The following GRAMD4 variants were observed in gnomAD, a reference collection of about 807,000 sequenced individuals.
GRAMD4 encodes GRAM domain-containing protein 4.
GRAMD4 carries 25 observed loss-of-function variants against 83.9 expected under a neutral mutation model. That is an observed-to-expected ratio of 0.30 (90% CI 0.22 to 0.42). The LOEUF (loss-of-function observed/expected upper bound fraction) is 0.42. GRAMD4 is among the 10% of genes least tolerant of loss of function. The pLI, the probability that GRAMD4 is intolerant of heterozygous loss-of-function variation, is 1.00. For synonymous variants in GRAMD4, 336 were observed against 320.9 expected (o/e 1.05, Z -0.50); for missense variants, 593 against 788.7 (o/e 0.75, Z 2.97).
intron 18 of GRAMD4, 128 bp from the exon 19 acceptor site, chr22:46,677,017 CCT>C: frequency 1.9e-6 from 2 of 1,041,436 alleles, no homozygotes. Context: ...TGGGGAGACA[CCT>C]GTCTTTTGCA....
intron 1 of GRAMD4, among the ~76,000 whole-genome samples, chr22:46,596,937 T>C (rs5769010): frequency 0.67 from 101,448 of 152,112 alleles, 34,422 homozygotes; most frequent in African/African-American, 0.74. Flanking sequence ...TTTGCAGAGC[T>C]TGGATGGCTG....
At chr22:46,681,933 G>C (rs1435584528), downstream of GRAMD4, among the ~76,000 whole-genome samples, 1 of 152,146 alleles carries the variant, frequency 6.6e-6, no homozygotes, top group Non-Finnish European at 1.5e-5. Context: ...AGTGTTTGGA[G>C]GACAGGGTTG....
intron 1 of GRAMD4, among the ~76,000 whole-genome samples, chr22:46,603,201 G>GTTTTTTTTT (rs569545888): frequency 1.1e-5 from 1 of 89,414 alleles, no homozygotes; most frequent in African/African-American, 4.7e-5. Flanking sequence ...ATCTTCTCTT[G>GTTTTTTTTT]TTTTTTTTTT....
At chr22:46,598,810 GGCCTTGTCTGGAGAGCAC>G (rs2081285917) in intron 1 of GRAMD4, among the ~76,000 whole-genome samples, 1 of 152,156 alleles carries the variant, frequency 6.6e-6, no homozygotes, top group Non-Finnish European at 1.5e-5. Flanking sequence ...GGATGGAGCT[GGCCTTGTCTGGAGAGCAC>G]GCTTAGCAGC....
intron 1 of GRAMD4, among the ~76,000 whole-genome samples, chr22:46,591,924 A>G (rs1358922112): frequency 8.8e-6 from 1 of 113,232 alleles, no homozygotes; most frequent in Non-Finnish European, 1.8e-5. Flanking sequence ...GACAGTCAGA[A>G]AGCATCTGTG....
Position 46,675,524 on chromosome 22 carries a change from A to G in GRAMD4, c.1535A>G (p.Lys512Arg). ...SGSSKRNKVI[K>R]LVDITDIQKY... is the part of the protein sequence containing the mutation. ...TCCTCAAAGAGGAACAAAGTCATCA[A>G]GCTAGTGGACATCACGGACATCCAG... The change falls in exon 17 of 19, where the codon AAG becomes AGG. Residue 512 changes from lysine (K) to arginine (R), a missense_variant. By Grantham distance (26) the Lys-to-Arg change is conservative. Coordinates refer to ENST00000406902, the MANE Select transcript of GRAMD4 (RefSeq NM_015124.5). 1 of 1,612,896 alleles carries G rather than the reference A, an allele frequency of 6.2e-7. No homozygotes were observed.
chr22:46,624,223 T>C (rs1056712478), intron 1 of GRAMD4, among the ~76,000 whole-genome samples: 1 of 151,598 alleles, frequency 6.6e-6, no homozygotes, highest in Non-Finnish European at 1.5e-5. Context: ...GGTGGCCTGT[T>C]AGACATTTTT....
upstream of GRAMD4, among the ~76,000 whole-genome samples, chr22:46,576,621 G>A (rs1043700200): frequency 5.3e-5 from 8 of 152,312 alleles, no homozygotes; most frequent in East Asian, 1.4e-3. Context: ...TACAGCGCGG[G>A]CTGCAGGTCC....
chr22:46,607,206 G>T (rs116608582), intron 1 of GRAMD4, among the ~76,000 whole-genome samples: 17 of 122,444 alleles, frequency 1.4e-4, no homozygotes, highest in Non-Finnish European at 2.1e-4. Context: ...TCTTTAAAAA[G>T]GGGGGGGTCA....
intron 14 of GRAMD4, among the ~76,000 whole-genome samples, chr22:46,673,344 C>G (rs748275164): frequency 1.1e-4 from 17 of 152,240 alleles, no homozygotes; most frequent in Non-Finnish European, 2.2e-4. Flanking sequence ...CTTGGAGCCA[C>G]AGCCTGGCAC....
At position 46,620,437 on chromosome 22, in the gene GRAMD4, G is replaced by A. The variant is rs147186172; in HGVS notation, c.-178G>A. The A allele has an allele frequency of 1.6e-5, 16 of 985,420 alleles. No individual in the cohort carries two copies. In the South Asian group the frequency reaches 4.7e-4, roughly 29 times the overall value. The allele number at this position is 985,420 out of a possible 1,614,324, so 61.0% of individuals were successfully genotyped here. A position where few individuals can be genotyped will look rare whatever the true frequency, so the allele number is the denominator to read the frequency against. On this transcript the variant is annotated 5_prime_UTR_variant, in exon 1 of 19. It adds an upstream start codon to the 5' untranslated region. Transcript: ENST00000406902. This position sits in a 1 kb window ranked among gnomAD's most constrained non-coding sequence, Gnocchi z 4.7. The stretch of plus-strand genomic sequence containing the variant: ...CAGGGCAGCAGACACCACCCTCTCC[G>A]TGCCTGCTGGTGTTGGGCGGCTTGG...
chr22:46,608,190 T>C lies in GRAMD4; in HGVS notation c.-49-18561T>C, dbSNP rs543160623. 9.3e-4 allele frequency among the ~76,000 whole-genome samples: 141 copies of C among 152,342 alleles called. 2 individuals are homozygous for C. In the South Asian group the frequency reaches 0.028, roughly 30 times the overall value. On this transcript the variant is annotated intron_variant, in intron 1 of 1. Transcript: ENST00000431155. ...TCCCTAGTAGATGGCGAGCAGCCCC[T>C]TAGCAAGCCTGTCCAGCCTGCAGCC...
At chr22:46,613,886 G>T (rs1432043723) in intron 1 of GRAMD4, among the ~76,000 whole-genome samples, 1 of 152,040 alleles carries the variant, frequency 6.6e-6, no homozygotes, top group Non-Finnish European at 1.5e-5. Flanking sequence ...TCTATTTCAC[G>T]CATCTGTCTC....
intron 3 of GRAMD4, among the ~76,000 whole-genome samples, chr22:46,656,878 G>A (rs2082251974): frequency 6.6e-6 from 1 of 152,214 alleles, no homozygotes; most frequent in Non-Finnish European, 1.5e-5. Context: ...TTGAAGTCGA[G>A]GCTGACTGAT....
In GRAMD4 at chr22:46,613,967, T is replaced by C. The variant is rs375008803; in HGVS notation, c.-49-12784T>C. Among the ~76,000 whole-genome samples, 9 of 152,286 alleles carry C rather than the reference T, an allele frequency of 5.9e-5. No individual in the cohort carries two copies. In the East Asian group the frequency reaches 9.6e-4, roughly 16 times the overall value. ...ACGGAGCCCTGTGCCCTCATGGCCG[T>C]CATGGCCGCGGCTGCAGCAGTGTGA... On this transcript the variant is annotated intron_variant, in intron 1 of 1. Coordinates refer to the GRAMD4 transcript ENST00000431155.
At chr22:46,674,445 AC>A (rs1040234147) in intron 15 of GRAMD4, among the ~76,000 whole-genome samples, 1 of 150,350 alleles carries the variant, frequency 6.7e-6, no homozygotes, top group Non-Finnish European at 1.5e-5. Context: ...TACTTTAAAA[AC>A]CCTGCCAGTG....
At position 46,587,815 on chromosome 22, in the gene GRAMD4, G is replaced by A. The variant is rs1046547264; in HGVS notation, c.-50+10525G>A. On this transcript the variant is annotated intron_variant, in intron 1 of 1. Transcript: ENST00000431155. ...GCCTGACCTGCCTAACAGTGGAGGT[G>A]GCAGATGTTTGGTGGAGAGGAAGTG... 7.1e-6 allele frequency: 5 copies of A among 704,402 alleles called. No individual in the cohort carries two copies. In the African/African-American group the frequency reaches 7.7e-5, roughly 11 times the overall value. 43.6% of individuals were successfully genotyped at this position (704,402 alleles called of 1,614,324 possible).
upstream of GRAMD4, among the ~76,000 whole-genome samples, chr22:46,619,956 G>A (rs1310852380): frequency 1.3e-5 from 2 of 152,168 alleles, no homozygotes; most frequent in African/African-American, 4.8e-5. Context: ...ATCAGCAGGA[G>A]AGCCGCCAGA....
Position 46,679,737 on chromosome 22 carries a change from G to A in GRAMD4, c.*2486G>A, listed in dbSNP as rs1353433426. 2.1e-6 allele frequency: 2 copies of A among 967,432 alleles called. No individual in the cohort carries two copies. The highest frequency in any genetic ancestry group is 3.5e-5 in the African/African-American group (2 of 56,864). 59.9% of individuals were successfully genotyped at this position (967,432 alleles called of 1,614,324 possible). A position where few individuals can be genotyped will look rare whatever the true frequency, so the allele number is the denominator to read the frequency against. On this transcript the variant is annotated 3_prime_UTR_variant, in exon 19 of 19. Transcript: ENST00000406902. ...TTTGTTTGTTTAAAGAAAAAGTATT[G>A]TATAAATTATAATTTTTATTTAAAT...
Sources: gnomAD v4.1 joint callset for allele counts (sites outside exome capture counted in the v4.1 genomes callset) on GRCh38, gnomAD v4.1.1 for gene constraint, Gnocchi (gnomAD v3.1) non-coding constraint, MANE v1.5 for transcripts, NCBI Gene and HGNC (gene_info 2026-07-23, HGNC 2026-07-21) for gene names.